Variants in NEBL observed in about 807,000 individuals in gnomAD.
NEBL encodes LIM and SH3 protein 2.
NEBL carries 122 observed loss-of-function variants against 140.2 expected under a neutral mutation model. The ratio of observed to expected loss-of-function variants is 0.87; its 90% CI spans 0.75 to 1.01. NEBL has a LOEUF of 1.01. Ranked by LOEUF, NEBL falls within the 50% of genes least tolerant of loss-of-function variation. NEBL has a pLI of 0.00. For synonymous variants in NEBL, 436 were observed against 398.9 expected, an observed-to-expected ratio of 1.09 and a Z score of -1.11; for missense variants, 1,365 against 1,231.3, an observed-to-expected ratio of 1.11 and a Z score of -1.62.
At chr10:21,122,609 G>A (rs1177345457) in intron 2 of NEBL, among the ~76,000 whole-genome samples, 1 of 152,200 alleles carries the variant, frequency 6.6e-6, no homozygotes, top group Non-Finnish European at 1.5e-5. Flanking sequence ...GTGATTAGAA[G>A]AAGGGTACTA....
intron 4 of NEBL, among the ~76,000 whole-genome samples, chr10:20,952,919 A>G (rs1182344255): frequency 9.3e-5 from 14 of 150,846 alleles, no homozygotes; most frequent in Admixed American, 1.3e-4. Flanking sequence ...AAAAAAAAAA[A>G]AAAAAAGAAA....
At chr10:20,808,425 A>G in intron 26 of NEBL, 85 bp downstream of exon 26, 1 of 1,406,802 alleles carries the variant, frequency 7.1e-7, no homozygotes, top group Non-Finnish European at 1.0e-6. Flanking sequence ...ATGTTCATGC[A>G]AAAGTGAAAA....
At chr10:20,843,040 C>T (rs557412572) in intron 12 of NEBL, among the ~76,000 whole-genome samples, 38 of 151,946 alleles carry the variant, frequency 2.5e-4, no homozygotes, top group Admixed American at 1.3e-4. Context: ...CACCAAAACC[C>T]GTATGTTGAA....
In NEBL at chr10:20,896,722, A is replaced by T. The variant is rs555399317; in HGVS notation, c.153+236T>A. Among the ~76,000 whole-genome samples, 41 of 152,024 alleles carry T rather than the reference A, an allele frequency of 2.7e-4. 1 individual carries two copies. In the South Asian group the frequency reaches 6.7e-3, roughly 25 times the overall value. On this transcript the variant is annotated intron_variant, in intron 2 of 27. Coordinates refer to ENST00000377122, the MANE Select transcript of NEBL (RefSeq NM_006393.3). ...GATTTCATGCCAGCGTGACAGCAAA[A>T]CTCATAAGGGACAGGATTCTGGATT...
At chr10:20,816,400 A>C (rs966891421) in intron 21 of NEBL, among the ~76,000 whole-genome samples, 2 of 152,220 alleles carry the variant, frequency 1.3e-5, no homozygotes, top group South Asian at 2.1e-4. Flanking sequence ...AGATGTGTTT[A>C]AATAGGTGAC....
At chr10:21,117,049 A>AAT (rs1224173594) in intron 2 of NEBL, among the ~76,000 whole-genome samples, 11 of 151,964 alleles carry the variant, frequency 7.2e-5, no homozygotes, top group African/African-American at 2.7e-4. Flanking sequence ...TATTCTTTTA[A>AAT]ATATTGCTGA....
intron 2 of NEBL, among the ~76,000 whole-genome samples, chr10:21,097,207 C>T (rs1357700162): frequency 4.2e-5 from 3 of 70,700 alleles, no homozygotes; most frequent in Non-Finnish European, 7.8e-5. Context: ...AATCCCAGCA[C>T]TTTGGGAGGT....
chr10:21,209,245 T>C (rs12256222), intron 3 of NEBL, among the ~76,000 whole-genome samples: 1 of 152,220 alleles, frequency 6.6e-6, no homozygotes, highest in Admixed American at 6.5e-5. Flanking sequence ...TCTCATAGGA[T>C]GGTCTCTTTC....
At chr10:21,028,734 C>A (rs910980731) in intron 2 of NEBL, among the ~76,000 whole-genome samples, 1 of 149,866 alleles carries the variant, frequency 6.7e-6, no homozygotes, top group Non-Finnish European at 1.5e-5. Flanking sequence ...GGGAAAATAT[C>A]AAATTTTTTA....
At position 20,986,498 on chromosome 10, in the gene NEBL, G is replaced by T. The variant is rs531334101; in HGVS notation, c.250-24719C>A. Among the ~76,000 whole-genome samples the T allele has an allele frequency of 2.6e-5, 4 of 152,276 alleles. No homozygotes were observed. In the South Asian group the frequency reaches 8.3e-4, roughly 32 times the overall value. ...TCAACCCAGCTAATTATTGCTCAAG[G>T]TTTGCCAGCCTTCCAATGCCTTAAA... is the stretch of plus-strand genomic sequence containing the variant. On this transcript the variant is annotated intron_variant, in intron 3 of 6. Coordinates refer to the NEBL transcript ENST00000417816.
chr10:21,149,561 G>A (rs1264063640), intron 2 of NEBL, among the ~76,000 whole-genome samples: 1 of 152,204 alleles, frequency 6.6e-6, no homozygotes, highest in Non-Finnish European at 1.5e-5. Flanking sequence ...AAAGTGCTGG[G>A]ATTATAGGCA....
rs1331448415 is a variant in NEBL at position 21,033,750 on chromosome 10, A to AG, written c.165-13550_165-13549insC. Reference sequence around the variant, plus strand: ...GCGAGACTTTGTCTCCGAAAAAAAAAAAAAAAGAAAGAAAAGAAAAGAAAA... The same window carrying AG: ...GCGAGACTTTGTCTCCGAAAAAAAAAGAAAAAAGAAAGAAAAGAAAAGAAAA... On this transcript the variant is annotated intron_variant, in intron 2 of 6. Transcript: ENST00000417816. Among the ~76,000 whole-genome samples, 168 of 119,592 alleles carry AG rather than the reference A, an allele frequency of 1.4e-3. 1 individual carries two copies. Among genetic ancestry groups the AG allele is most frequent in the Admixed American group, 2.4e-3 (26 of 10,956 alleles). The allele number at this position is 119,592 out of a possible 152,430, so 78.5% of individuals were successfully genotyped here.
intron 26 of NEBL, among the ~76,000 whole-genome samples, chr10:20,787,561 G>A (rs759791182): frequency 1.3e-5 from 2 of 151,932 alleles, no homozygotes; most frequent in Non-Finnish European, 2.9e-5. Flanking sequence ...TGGCTCTATT[G>A]CAGATGCTCA....
intron 26 of NEBL, among the ~76,000 whole-genome samples, chr10:20,800,824 A>G (rs572002862): frequency 3.9e-5 from 6 of 152,116 alleles, no homozygotes; most frequent in African/African-American, 1.4e-4. Context: ...AATCTAAACA[A>G]CGCAATGCAG....
chr10:20,897,624 T>C, upstream of NEBL: 1 of 791,326 alleles, frequency 1.3e-6, no homozygotes, highest in African/African-American at 1.9e-5. Flanking sequence ...CAAAGCCTGT[T>C]ATCTCAAAGA....
chr10:21,196,313 T>TTA (rs1554832542), intron 3 of NEBL, among the ~76,000 whole-genome samples: 6 of 140,538 alleles, frequency 4.3e-5, no homozygotes, highest in African/African-American at 1.3e-4. Flanking sequence ...ATATTTTTAT[T>TTA]TTTATTTATT....
rs767349615 is a variant in NEBL, at chr10:20,850,473, AT to A, written c.1037del (p.Asn346IlefsTer46). The A allele has an allele frequency of 4.4e-6, 7 of 1,608,218 alleles. No individual in the cohort carries two copies. In the East Asian group the frequency reaches 1.6e-4, roughly 36 times the overall value. ...QVKYKEEYEK[N>X]KGKPMLEFVE... ...CAAATTCAAGCATTGGCTTTCCCTT[AT>A]TTTTCTCATATTCTTCTTTATATTT... On this transcript the variant is annotated frameshift_variant, in exon 11 of 28. Coordinates refer to ENST00000377122, the MANE Select transcript of NEBL (RefSeq NM_006393.3). LOFTEE classifies it high-confidence loss of function.
intron 1 of NEBL, among the ~76,000 whole-genome samples, chr10:21,288,843 TA>T (rs1843102919): frequency 2.1e-5 from 2 of 97,528 alleles, no homozygotes; most frequent in African/African-American, 8.6e-5. Context: ...TATATATATA[TA>T]TATATAAAAA....
intron 11 of NEBL, among the ~76,000 whole-genome samples, chr10:20,848,951 A>G (rs1248935065): frequency 6.6e-6 from 1 of 152,244 alleles, no homozygotes; most frequent in Non-Finnish European, 1.5e-5. Flanking sequence ...CAAATAGCAT[A>G]GTTAATGCTT....
Sources: allele counts gnomAD v4.1 joint callset (sites outside exome capture counted in the v4.1 genomes callset), GRCh38; gene constraint gnomAD v4.1.1; transcripts MANE v1.5; gene names NCBI Gene and HGNC (gene_info 2026-07-23, HGNC 2026-07-21).